The following NRIP1 variants were observed in gnomAD, a reference collection of about 807,000 sequenced individuals.
NRIP1 encodes nuclear receptor interacting protein 1, also known as nuclear receptor-interacting protein 1.
In NRIP1, 28 loss-of-function variants were observed where a neutral mutation model predicts 75.0. The observed-to-expected ratio is 0.37, with a 90% confidence interval of 0.28 to 0.51. The LOEUF (loss-of-function observed/expected upper bound fraction) is 0.51, where lower values mean the gene tolerates loss of function less well. Among genes scored for constraint, NRIP1 ranks in the 20% least tolerant of loss-of-function variants. The pLI, the probability that NRIP1 is intolerant of heterozygous loss-of-function variation, is 0.92. For missense variants in NRIP1, 1,435 were observed against 1,343.7 expected, an observed-to-expected ratio of 1.07 and a Z score of -1.06; for synonymous variants, 526 against 487.6, an observed-to-expected ratio of 1.08 and a Z score of -1.04.
chr21:15,050,917 T>C lies in NRIP1; in HGVS notation c.-537-7343A>G, dbSNP rs79668132. The C allele has an allele frequency of 1.3e-3, 611 of 456,030 alleles. 6 individuals carry two copies. Among genetic ancestry groups the C allele is most frequent in the African/African-American group, 0.011 (572 of 50,196 alleles). The allele number at this position is 456,030 out of a possible 1,614,324, so 28.2% of individuals were successfully genotyped here. A position where few individuals can be genotyped will look rare whatever the true frequency, so the allele number is the denominator to read the frequency against. On this transcript the variant is annotated intron_variant, in intron 1 of 3. Transcript: ENST00000318948. Reference sequence around the variant, plus strand: ...CAAACTAGGGATCACTCTTACAGTTTAGAGCCTGTATACCTATAACTTATT... The same window carrying C: ...CAAACTAGGGATCACTCTTACAGTTCAGAGCCTGTATACCTATAACTTATT...
intron 1 of NRIP1, among the ~76,000 whole-genome samples, chr21:15,049,708 T>C (rs942409226): frequency 1.3e-5 from 2 of 152,122 alleles, no homozygotes; most frequent in East Asian, 3.8e-4. Flanking sequence ...TAATTTACTA[T>C]CCAAGCACTT....
intron 1 of NRIP1, among the ~76,000 whole-genome samples, chr21:15,056,070 T>TTATTTA: frequency 6.6e-6 from 1 of 152,156 alleles, no homozygotes; most frequent in South Asian, 2.1e-4. Flanking sequence ...TATCATTATT[T>TTATTTA]TATTTATAGT....
At chr21:15,039,279 G>A (rs555415987) in intron 2 of NRIP1, among the ~76,000 whole-genome samples, 4 of 152,158 alleles carry the variant, frequency 2.6e-5, no homozygotes, top group African/African-American at 7.2e-5. Flanking sequence ...GTTGGGGGTA[G>A]GGCTATAAAA....
chr21:14,976,257 T>G (rs1369783425), intron 3 of NRIP1, among the ~76,000 whole-genome samples: 1 of 152,154 alleles, frequency 6.6e-6, no homozygotes, highest in Non-Finnish European at 1.5e-5. Flanking sequence ...AAAAAATCAT[T>G]GTGGTGAAAA....
At chr21:15,053,939 T>C (rs535223895) in intron 1 of NRIP1, among the ~76,000 whole-genome samples, 1 of 152,354 alleles carries the variant, frequency 6.6e-6, no homozygotes, top group Non-Finnish European at 1.5e-5. Flanking sequence ...TATATCCATA[T>C]AATTTATTTT....
chr21:14,996,734 A>C (rs1247190396), intron 3 of NRIP1, among the ~76,000 whole-genome samples: 2 of 152,152 alleles, frequency 1.3e-5, no homozygotes, highest in Non-Finnish European at 2.9e-5. Flanking sequence ...AATTTTTGCT[A>C]AATATAATAA....
intron 1 of NRIP1, among the ~76,000 whole-genome samples, chr21:15,053,385 G>C (rs914359548): frequency 6.6e-6 from 1 of 152,076 alleles, no homozygotes; most frequent in Non-Finnish European, 1.5e-5. Context: ...TTGTATCAGG[G>C]GCAACTACCA....
rs2059561617 is a variant in NRIP1, at chr21:14,965,815, G to A, written c.2378C>T (p.Pro793Leu). The change falls in exon 4 of 4, where the codon CCT (proline) becomes CTT (leucine). Residue 793 changes from proline to leucine, a missense_variant. Pro to Leu is a moderately conservative substitution (Grantham distance 98, BLOSUM62 -3). Coordinates refer to ENST00000318948, the MANE Select transcript of NRIP1 (RefSeq NM_003489.4). The part of the protein sequence containing the change: ...GMAPAVQRSA[P>L]ALPVSEDFKS... ...AAAGTCTTCGGACACTGGTAAGGCA[G>A]GTGCGCTTCTCTGCACAGCAGGAGC... 1 of 1,613,940 alleles carries A rather than the reference G, an allele frequency of 6.2e-7. No individual in the cohort carries two copies. The highest frequency in any genetic ancestry group is 8.5e-7 in the Non-Finnish European group (1 of 1,179,948).
chr21:15,011,781 ATAT>A (rs2088110021), intron 3 of NRIP1, among the ~76,000 whole-genome samples: 1 of 152,214 alleles, frequency 6.6e-6, no homozygotes, highest in South Asian at 2.1e-4. Flanking sequence ...TAGCTAATAA[ATAT>A]TATACACTGA....
intron 1 of NRIP1, among the ~76,000 whole-genome samples, chr21:15,047,599 T>C (rs1379126644): frequency 6.6e-6 from 1 of 152,140 alleles, no homozygotes; most frequent in East Asian, 1.9e-4. Flanking sequence ...GAGAACTCAC[T>C]ATCACGAGAA....
chr21:15,015,577 T>C (rs1045094389), intron 2 of NRIP1, among the ~76,000 whole-genome samples: 2 of 151,998 alleles, frequency 1.3e-5, no homozygotes, highest in Admixed American at 1.3e-4. Flanking sequence ...TATACAGCCA[T>C]AAAACGTCAA....
chr21:15,044,016 G>T (rs915475328), intron 1 of NRIP1, among the ~76,000 whole-genome samples: 1 of 151,910 alleles, frequency 6.6e-6, no homozygotes, highest in African/African-American at 2.4e-5. Context: ...ACGAGTTTTC[G>T]CCATGTTGGC....
chr21:14,976,444 CT>C lies in NRIP1; in HGVS notation c.-334-7919del, dbSNP rs573902783. Among the ~76,000 whole-genome samples the C allele has an allele frequency of 1.6e-3, 241 of 151,938 alleles. 2 individuals are homozygous for C. In the Middle Eastern group the frequency reaches 0.027, roughly 17 times the overall value. On this transcript the variant is annotated intron_variant, in intron 3 of 3. Coordinates refer to ENST00000318948, the MANE Select transcript of NRIP1 (RefSeq NM_003489.4). ...TATATTTTAAAAAGAGCTACATTTACTTTTTTTTATAAGTATCTGAAAAGTA... is the reference window on the plus strand; with the variant it reads ...TATATTTTAAAAAGAGCTACATTTACTTTTTTTATAAGTATCTGAAAAGTA...
chr21:15,006,084 T>C (rs2087965468), intron 3 of NRIP1, among the ~76,000 whole-genome samples: 1 of 152,190 alleles, frequency 6.6e-6, no homozygotes, highest in African/African-American at 2.4e-5. Context: ...ATACTGCATA[T>C]AGCTTACTAA....
intron 2 of NRIP1, among the ~76,000 whole-genome samples, chr21:15,018,080 T>C (rs573141967): frequency 3.9e-5 from 6 of 152,310 alleles, no homozygotes; most frequent in African/African-American, 1.2e-4. Context: ...CCAGATGTGT[T>C]CTGAATCATG....
At chr21:15,034,672 AGAGCTGGAGGAAGTG>A (rs1250644548) in intron 2 of NRIP1, among the ~76,000 whole-genome samples, 4 of 152,228 alleles carry the variant, frequency 2.6e-5, no homozygotes, top group Non-Finnish European at 4.4e-5. Context: ...TGAGGAGAGG[AGAGCTGGAGGAAGTG>A]GAAAGAACTA....
At chr21:15,005,257 A>G (rs892966541) in intron 3 of NRIP1, among the ~76,000 whole-genome samples, 1 of 152,186 alleles carries the variant, frequency 6.6e-6, no homozygotes, top group Non-Finnish European at 1.5e-5. Flanking sequence ...AGCTGTTTTG[A>G]AGCCATTTAG....
In NRIP1 at chr21:15,003,732, T is replaced by G. The variant is rs543828792; in HGVS notation, c.-335+10612A>C. ...AATTAGGCAGCTGTCACACAAAGCATAGGCTGCAAAATTATCCCCTGTCAA... is the reference window on the plus strand; with the variant it reads ...AATTAGGCAGCTGTCACACAAAGCAGAGGCTGCAAAATTATCCCCTGTCAA... On this transcript the variant is annotated intron_variant, in intron 3 of 3. Transcript: ENST00000318948. Among the ~76,000 whole-genome samples the G allele has an allele frequency of 1.7e-4, 26 of 152,308 alleles. No homozygotes were observed. The South Asian group carries it at 2.3e-3, about 13-fold the overall frequency.
intron 2 of NRIP1, among the ~76,000 whole-genome samples, chr21:15,020,349 G>A (rs1422402413): frequency 6.6e-6 from 1 of 152,124 alleles, no homozygotes; most frequent in East Asian, 1.9e-4. Context: ...TAAAATAATA[G>A]TCTTTTTAAT....
Sources: allele counts gnomAD v4.1 joint callset (sites outside exome capture counted in the v4.1 genomes callset), GRCh38; gene constraint gnomAD v4.1.1; transcripts MANE v1.5; gene names NCBI Gene and HGNC (gene_info 2026-07-23, HGNC 2026-07-21).